The following WRN variants were observed in gnomAD, a reference collection of about 807,000 sequenced individuals.
WRN encodes bifunctional 3'-5' exonuclease/ATP-dependent helicase WRN.
Under a neutral mutation model 180.7 loss-of-function variants are expected in WRN, and 149 were observed. That is an observed-to-expected ratio of 0.82 (90% CI 0.72 to 0.94). The LOEUF (loss-of-function observed/expected upper bound fraction) is 0.94. Ranked by LOEUF, WRN falls within the 40% of genes least tolerant of loss-of-function variation. WRN has a pLI of 0.00. For synonymous variants in WRN, 548 were observed against 568.9 expected (o/e 0.96, Z 0.52); for missense variants, 1,661 against 1,700.1 (o/e 0.98, Z 0.40).
At position 31,174,922 on chromosome 8, in the gene WRN, T is replaced by C. The variant is rs1372248026; in HGVS notation, c.*1820T>C. Among the ~76,000 whole-genome samples the C allele has an allele frequency of 6.6e-6, 1 of 150,726 alleles. No individual in the cohort carries two copies. Among genetic ancestry groups the C allele is most frequent in the African/African-American group, 2.4e-5 (1 of 40,918 alleles). On this transcript the variant is annotated 3_prime_UTR_variant, in exon 35 of 35. Coordinates refer to ENST00000298139, the MANE Select transcript of WRN (RefSeq NM_000553.6). ...TCTTTCTTTCTTTTTCTTTCTCTTTTTCTTTCTTTCAAGCAGTCCTCCCGC... is the reference window on the plus strand; with the variant it reads ...TCTTTCTTTCTTTTTCTTTCTCTTTCTCTTTCTTTCAAGCAGTCCTCCCGC...
rs1812775675 is a variant in WRN at position 31,067,959 on chromosome 8, T to A, written c.655-299T>A. Among the ~76,000 whole-genome samples, 3 of 152,226 alleles carry A rather than the reference T, an allele frequency of 2.0e-5. 1 individual carries two copies. In the South Asian group the frequency reaches 6.2e-4, roughly 32 times the overall value. On this transcript the variant is annotated intron_variant, in intron 6 of 34. Transcript: ENST00000298139. ...CATTCTCAGCTGATTTAAGTAGGAT[T>A]TCTCTTACTAGATTGCATTTTGTTA...
rs775196937 is a variant in WRN at position 31,064,435 on chromosome 8, G to T, written c.355+1G>T. On this transcript the variant is annotated splice_donor_variant, in intron 4 of 34. Transcript: ENST00000298139. LOFTEE classifies it high-confidence loss of function. ...TTGTTCCACGTTTCTTCCATGTCAG[G>T]TTGGTATCTCTACATTTCATTTTTA... is the stretch of plus-strand genomic sequence containing the variant. 17 of 1,613,914 alleles carry T rather than the reference G, an allele frequency of 1.1e-5. No homozygotes were observed. Among genetic ancestry groups the T allele is most frequent in the Non-Finnish European group, 1.4e-5 (17 of 1,179,986 alleles).
intron 28 of WRN, among the ~76,000 whole-genome samples, 197 bp from the exon 29 acceptor site, chr8:31,146,856 C>G (rs576769179): frequency 6.6e-6 from 1 of 152,174 alleles, no homozygotes; most frequent in Non-Finnish European, 1.5e-5. Flanking sequence ...TTAACTTTAC[C>G]ATTATAATGA....
At chr8:31,055,456 G>A (rs1812234175) in intron 1 of WRN, among the ~76,000 whole-genome samples, 1 of 152,052 alleles carries the variant, frequency 6.6e-6, no homozygotes, top group African/African-American at 2.4e-5. Context: ...GCATGAGAGG[G>A]TATATCATTG....
Position 31,057,045 on chromosome 8 carries a change from A to G in WRN, c.-76-1327A>G, listed in dbSNP as rs1014471169. On this transcript the variant is annotated intron_variant, in intron 1 of 34. Coordinates refer to ENST00000298139, the MANE Select transcript of WRN (RefSeq NM_000553.6). Reference sequence around the variant, plus strand: ...GTACAATAGCGATGGAGTTTGTTCTATATGGAAAATTTGTTTGATAAAAGT... The same window carrying G: ...GTACAATAGCGATGGAGTTTGTTCTGTATGGAAAATTTGTTTGATAAAAGT... Among the ~76,000 whole-genome samples the G allele has an allele frequency of 3.9e-5, 6 of 152,290 alleles. No individual in the cohort carries two copies. The South Asian group carries it at 6.2e-4, about 16-fold the overall frequency.
Position 31,157,482 on chromosome 8 carries a change from G to C in WRN, c.3934G>C (p.Val1312Leu). 1 of 1,614,104 alleles carries C rather than the reference G, an allele frequency of 6.2e-7. No homozygotes were observed. Among genetic ancestry groups the C allele is most frequent in the Non-Finnish European group, 8.5e-7 (1 of 1,180,018 alleles). Residue 1312 changes from valine to leucine, a missense_variant, in exon 33 of 35, where the codon GTT (valine) becomes CTT (leucine). Val to Leu is a conservative substitution (Grantham distance 32). Around this residue, in one of 3 missense-constraint regions of WRN, gnomAD observed 1,141 missense variants for 1,149.4 expected, o/e 0.99. Coordinates refer to ENST00000298139, the MANE Select transcript of WRN (RefSeq NM_000553.6). ...GGAGCGAGCAGGCCTGACTCCAGAGGTTCAGAAGATTATTGCTGATGTTAT... is the reference window on the plus strand; with the variant it reads ...GGAGCGAGCAGGCCTGACTCCAGAGCTTCAGAAGATTATTGCTGATGTTAT... ...DLERAGLTPE[V>L]QKIIADVIRN... is the part of the protein sequence containing the mutation.
chr8:31,149,514 A>G (rs1803025547), intron 30 of WRN, among the ~76,000 whole-genome samples: 1 of 90,608 alleles, frequency 1.1e-5, no homozygotes, highest in Non-Finnish European at 1.9e-5. Context: ...TCACTCTGTC[A>G]CCTAGGCTAG....
chr8:31,071,791 A>G (rs1189927313), intron 7 of WRN, among the ~76,000 whole-genome samples: 1 of 152,142 alleles, frequency 6.6e-6, no homozygotes, highest in Non-Finnish European at 1.5e-5. Context: ...CTCAAAATAC[A>G]TTTAATAGAG....
At chr8:31,143,732 A>C in intron 28 of WRN, 109 bp downstream of exon 28, 1 of 752,422 alleles carries the variant, frequency 1.3e-6, no homozygotes. Flanking sequence ...AAGGAAGTTA[A>C]ATTTAAAACA....
In WRN at chr8:31,090,461, C is replaced by A. The variant is rs1407017624; in HGVS notation, c.1653-4C>A. The A allele has an allele frequency of 6.2e-7, 1 of 1,611,312 alleles. No individual in the cohort carries two copies. Among genetic ancestry groups the A allele is most frequent in the Non-Finnish European group, 8.5e-7 (1 of 1,178,242 alleles). On this transcript the variant is annotated splice_region_variant and splice_polypyrimidine_tract_variant and intron_variant, in intron 13 of 34. Transcript: ENST00000298139. ...AAAATAGCTTTTTGCTTTTCACCTT[C>A]AAGAGTTCAGTGGAAAGTGATTCAT...
chr8:31,132,238 A>G, intron 23 of WRN, 127 bp from the exon 24 acceptor site: 1 of 1,152,662 alleles, frequency 8.7e-7, no homozygotes, highest in Non-Finnish European at 1.2e-6. Context: ...AACTTTATTC[A>G]TAGCTTCTGA....
chr8:31,147,020 C>A, intron 28 of WRN, 33 bp from the exon 29 acceptor site: 2 of 1,541,736 alleles, frequency 1.3e-6, no homozygotes, highest in African/African-American at 1.4e-5. Context: ...GAAAGAAAAG[C>A]TTTTATTATT....
rs147698281 is a variant in WRN, at chr8:31,109,573, T to C, written c.2089-2042T>C. On this transcript the variant is annotated intron_variant, in intron 18 of 34. Coordinates refer to ENST00000298139, the MANE Select transcript of WRN (RefSeq NM_000553.6). ...GGGAGTAGTACTCATGTCTCTGAAG[T>C]TGTTATATAGAATTCTTTTTATTTA... Among the ~76,000 whole-genome samples the C allele has an allele frequency of 2.6e-5, 4 of 152,304 alleles. No homozygotes were observed. In the East Asian group the frequency reaches 5.8e-4, roughly 22 times the overall value.
chr8:31,099,935 A>G (rs1218967520), intron 17 of WRN, among the ~76,000 whole-genome samples: 1 of 152,198 alleles, frequency 6.6e-6, no homozygotes, highest in African/African-American at 2.4e-5. Context: ...TGCTTAAGGT[A>G]ATACACATGG....
At chr8:31,064,522 G>A in intron 4 of WRN, 88 bp downstream of exon 4, 1 of 1,552,520 alleles carries the variant, frequency 6.4e-7, no homozygotes, top group South Asian at 1.1e-5. Flanking sequence ...TTTATTAGCT[G>A]GCCGTTCTCT....
intron 18 of WRN, among the ~76,000 whole-genome samples, chr8:31,109,385 A>C (rs1255510583): frequency 6.6e-6 from 1 of 152,136 alleles, no homozygotes; most frequent in African/African-American, 2.4e-5. Context: ...CAAAAGAGTA[A>C]ATTTATAGTG....
At chr8:31,111,569 T>A in intron 18 of WRN, 46 bp from the exon 19 acceptor site, 1 of 1,599,002 alleles carries the variant, frequency 6.3e-7, no homozygotes, top group Non-Finnish European at 8.6e-7. Flanking sequence ...ATGTTGGGAA[T>A]GAATGAGCTC....
intron 5 of WRN, among the ~76,000 whole-genome samples, chr8:31,065,880 T>C (rs941855254): frequency 8.2e-5 from 12 of 146,718 alleles, no homozygotes; most frequent in African/African-American, 2.5e-4. Flanking sequence ...TTTCTTTTCT[T>C]TTTTTTTTTT....
intron 33 of WRN, among the ~76,000 whole-genome samples, chr8:31,165,761 A>C (rs1803832049): frequency 6.6e-6 from 1 of 152,170 alleles, no homozygotes; most frequent in Admixed American, 6.6e-5. Flanking sequence ...GACAAATAAA[A>C]GGGAACTCAA....
Sources: allele counts gnomAD v4.1 joint callset (sites outside exome capture counted in the v4.1 genomes callset), GRCh38; gene constraint gnomAD v4.1.1; regional missense constraint gnomAD v4.1.1; transcripts MANE v1.5; gene names NCBI Gene and HGNC (gene_info 2026-07-23, HGNC 2026-07-21).